FHIT: variants seen among roughly 807,000 people sequenced by gnomAD.
FHIT encodes bis(5'-adenosyl)-triphosphatase.
In FHIT, 19 loss-of-function variants were observed where a neutral mutation model predicts 17.9. The observed-to-expected ratio is 1.06, with a 90% confidence interval of 0.74 to 1.56. The LOEUF (loss-of-function observed/expected upper bound fraction) is 1.56, where lower values mean the gene tolerates loss of function less well. FHIT is among the 40% of genes most tolerant of loss of function. The pLI, the probability that FHIT is intolerant of heterozygous loss-of-function variation, is 0.00. For synonymous variants in FHIT, 81 were observed against 69.7 expected (o/e 1.16, Z -0.81); for missense variants, 248 against 189.2 (o/e 1.31, Z -1.82).
chr3:59,858,642 G>A (rs1182101413), intron 8 of FHIT, among the ~76,000 whole-genome samples: 1 of 152,092 alleles, frequency 6.6e-6, no homozygotes. Context: ...GCAGGGCAAC[G>A]TGGGGAGAGG....
chr3:60,463,907 C>G (rs1057497009), intron 5 of FHIT, among the ~76,000 whole-genome samples: 1 of 152,172 alleles, frequency 6.6e-6, no homozygotes, highest in Non-Finnish European at 1.5e-5. Flanking sequence ...TTATTATCCA[C>G]GAATCAGTTT....
intron 5 of FHIT, among the ~76,000 whole-genome samples, chr3:60,218,040 T>G (rs1703778156): frequency 6.6e-6 from 1 of 152,180 alleles, no homozygotes; most frequent in South Asian, 2.1e-4. Flanking sequence ...AAATGTTATC[T>G]TAATGTGCAA....
intron 8 of FHIT, among the ~76,000 whole-genome samples, chr3:59,911,243 C>T (rs897032006): frequency 2.0e-5 from 3 of 152,010 alleles, no homozygotes; most frequent in African/African-American, 7.3e-5. Context: ...TTAGATTTTT[C>T]AAATTAATTA....
intron 5 of FHIT, among the ~76,000 whole-genome samples, chr3:60,261,239 T>C (rs1160481567): frequency 2.6e-5 from 4 of 152,058 alleles, no homozygotes; most frequent in Non-Finnish European, 4.4e-5. Context: ...CTTCCTTGCA[T>C]GAGGTCCAAG....
intron 5 of FHIT, chr3:60,077,536 A>G (rs114174134): frequency 6.6e-6 from 1 of 151,964 alleles, no homozygotes; most frequent in Non-Finnish European, 1.5e-5. Flanking sequence ...GCTAAAAAAA[A>G]ACAAAGAAAA....
chr3:61,075,166 G>A (rs1195418191), intron 2 of FHIT, among the ~76,000 whole-genome samples: 3 of 152,112 alleles, frequency 2.0e-5, no homozygotes, highest in Non-Finnish European at 4.4e-5. Context: ...ACAGGAAGAT[G>A]CCTTCACTTC....
chr3:61,045,775 T>C (rs1352571250), intron 2 of FHIT, among the ~76,000 whole-genome samples: 1 of 151,942 alleles, frequency 6.6e-6, no homozygotes, highest in Non-Finnish European at 1.5e-5. Flanking sequence ...AGAACAGAAA[T>C]TATAACAAAC....
chr3:60,713,833 C>G (rs1339683701), intron 4 of FHIT, among the ~76,000 whole-genome samples: 1 of 151,756 alleles, frequency 6.6e-6, no homozygotes, highest in African/African-American at 2.4e-5. Flanking sequence ...GATGGATTCA[C>G]AGCCGAATTC....
rs187777557 is a variant in FHIT, at chr3:60,305,938, C to G, written c.103+230922G>C. 3.2e-3 allele frequency among the ~76,000 whole-genome samples: 488 copies of G among 152,246 alleles called. 4 individuals are homozygous for G. The highest frequency in any genetic ancestry group is 0.011 in the African/African-American group (451 of 41,560). ...GATTAAATTTAATGAGACTGCATCA[C>G]TTACATTCTACCTTAATTCTTAATG... On this transcript the variant is annotated intron_variant, in intron 5 of 9. Transcript: ENST00000492590.
intron 8 of FHIT, among the ~76,000 whole-genome samples, chr3:59,818,636 G>C (rs1278182895): frequency 6.6e-6 from 1 of 152,192 alleles, no homozygotes; most frequent in African/African-American, 2.4e-5. Flanking sequence ...GCTTTTATTA[G>C]ATACAGCAGA....
chr3:59,976,418 CA>C (rs1461906656), intron 7 of FHIT, among the ~76,000 whole-genome samples: 2 of 151,908 alleles, frequency 1.3e-5, no homozygotes, highest in Non-Finnish European at 1.5e-5. Flanking sequence ...AACAAACAAA[CA>C]AATAACACCT....
chr3:60,280,815 G>A (rs546132959), intron 5 of FHIT, among the ~76,000 whole-genome samples: 1 of 152,116 alleles, frequency 6.6e-6, no homozygotes, highest in African/African-American at 2.4e-5. Context: ...ACAGCATAAT[G>A]GAAGACCTAG....
At chr3:59,958,121 C>A (rs538372254) in intron 7 of FHIT, among the ~76,000 whole-genome samples, 1 of 152,312 alleles carries the variant, frequency 6.6e-6, no homozygotes, top group East Asian at 1.9e-4. Context: ...CAACTGTCTT[C>A]AAATTAAAGC....
chr3:60,101,821 C>T (rs1028852183), intron 5 of FHIT, among the ~76,000 whole-genome samples: 1 of 152,188 alleles, frequency 6.6e-6, no homozygotes, highest in African/African-American at 2.4e-5. Flanking sequence ...AACCAGCGCT[C>T]TCCCACATGG....
intron 8 of FHIT, among the ~76,000 whole-genome samples, chr3:59,829,331 T>C (rs1218847224): frequency 6.6e-6 from 1 of 152,192 alleles, no homozygotes; most frequent in African/African-American, 2.4e-5. Context: ...AGGTTAAACA[T>C]GAGATTTCCT....
intron 8 of FHIT, among the ~76,000 whole-genome samples, chr3:59,766,862 T>TTTGA (rs1278238537): frequency 3.3e-5 from 5 of 152,182 alleles, no homozygotes; most frequent in Non-Finnish European, 5.9e-5. Context: ...TTTCTCTCTT[T>TTTGA]TTGATTGATT....
At chr3:61,191,962 T>C (rs561380968) in intron 2 of FHIT, among the ~76,000 whole-genome samples, 26 of 152,296 alleles carry the variant, frequency 1.7e-4, no homozygotes, top group African/African-American at 6.0e-4. Context: ...ATCAACTAAA[T>C]GAGACTTAAG....
intron 7 of FHIT, among the ~76,000 whole-genome samples, chr3:59,986,126 C>G (rs1276218777): frequency 6.6e-6 from 1 of 151,994 alleles, no homozygotes; most frequent in Non-Finnish European, 1.5e-5. Flanking sequence ...AATAGCGGTT[C>G]ACACTTTATG....
At chr3:60,388,582 T>C (rs1279862427) in intron 5 of FHIT, among the ~76,000 whole-genome samples, 4 of 152,138 alleles carry the variant, frequency 2.6e-5, no homozygotes, top group African/African-American at 9.7e-5. Flanking sequence ...GCCTGGGTGA[T>C]AGAGACCCAA....
Sources: gnomAD v4.1 joint callset for allele counts (sites outside exome capture counted in the v4.1 genomes callset) on GRCh38, gnomAD v4.1.1 for gene constraint, MANE v1.5 for transcripts, NCBI Gene and HGNC (gene_info 2026-07-23, HGNC 2026-07-21) for gene names.